COL4A2: variants seen among roughly 807,000 people sequenced by gnomAD.
The protein encoded by COL4A2 is collagen type IV alpha 2 chain.
Under a neutral mutation model 200.2 loss-of-function variants are expected in COL4A2, and 99 were observed. That is an observed-to-expected ratio of 0.49 (90% CI 0.42 to 0.58). The LOEUF (loss-of-function observed/expected upper bound fraction) is 0.58, where lower values mean the gene tolerates loss of function less well. Among genes scored for constraint, COL4A2 ranks in the 20% least tolerant of loss-of-function variants. The pLI, the probability that COL4A2 is intolerant of heterozygous loss-of-function variation, is 0.00. For synonymous variants in COL4A2, 897 were observed against 900.6 expected, an observed-to-expected ratio of 1.00 and a Z score of 0.07; for missense variants, 1,950 against 2,314.1, an observed-to-expected ratio of 0.84 and a Z score of 3.23.
chr13:110,446,477 G>T (rs572506566), intron 17 of COL4A2, among the ~76,000 whole-genome samples: 1 of 152,310 alleles, frequency 6.6e-6, no homozygotes, highest in Admixed American at 6.5e-5. Flanking sequence ...TCGCCAGGCG[G>T]CTCGGCTATC....
intron 4 of COL4A2, among the ~76,000 whole-genome samples, chr13:110,371,752 G>C (rs1212711089): frequency 6.7e-6 from 1 of 148,644 alleles, no homozygotes; most frequent in Non-Finnish European, 1.5e-5. Flanking sequence ...GGCGGGCGGC[G>C]GGCCGTCTGG....
At chr13:110,393,736 G>A (rs1186594607) in intron 4 of COL4A2, among the ~76,000 whole-genome samples, 3 of 151,972 alleles carry the variant, frequency 2.0e-5, no homozygotes, top group Non-Finnish European at 2.9e-5. Flanking sequence ...AAAAATAGAC[G>A]GGCGTGGTGG....
chr13:110,369,371 A>T (rs1457671301), intron 4 of COL4A2, among the ~76,000 whole-genome samples: 2 of 152,170 alleles, frequency 1.3e-5, no homozygotes, highest in African/African-American at 4.8e-5. Flanking sequence ...AGCATTTTGG[A>T]TTTCAGATTT....
At chr13:110,459,184 G>T (rs1012700649) in intron 22 of COL4A2, 12 of 382,106 alleles carry the variant, frequency 3.1e-5, no homozygotes, top group African/African-American at 2.3e-4. Flanking sequence ...TCAATAGGGG[G>T]TCACCACGTG....
rs751775503 is a variant in COL4A2 at position 110,458,968 on chromosome 13, C to T, written c.1596+34C>T. ...CAATTTCATCATGAAGCTGGCAAGA[C>T]ACTCTGAGGCCTCCCCAGGTGTCCC... On this transcript the variant is annotated intron_variant, in intron 22 of 47. Transcript: ENST00000360467. The T allele has an allele frequency of 3.3e-6, 5 of 1,501,896 alleles. No homozygotes were observed. In the African/African-American group the frequency reaches 4.2e-5, roughly 13 times the overall value. 93.0% of individuals were successfully genotyped at this position (1,501,896 alleles called of 1,614,324 possible).
rs201640075 is a variant in COL4A2, at chr13:110,445,836, G to A, written c.965G>A (p.Arg322Gln). 100 of 1,614,060 alleles carry A rather than the reference G, an allele frequency of 6.2e-5. No homozygotes were observed. Among genetic ancestry groups the A allele is most frequent in the Admixed American group, 1.2e-4 (7 of 60,010 alleles). ...CAAATATCTTTCTTGCAGGGAAGCC[G>A]AGGCCTGGATGGCTATCAAGGGCCT... The part of the protein sequence containing the change: ...EKGSPGQKGS[R>Q]GLDGYQGPDG... Residue 322 changes from arginine to glutamine, a missense_variant, in exon 17 of 48, where the codon CGA becomes CAA. This residue lies in a region of COL4A2 where 565 missense variants were observed against 593.5 expected (regional missense o/e 0.95). Transcript: ENST00000360467.
At chr13:110,443,450 C>T (rs1881210971) in intron 16 of COL4A2, among the ~76,000 whole-genome samples, 1 of 152,216 alleles carries the variant, frequency 6.6e-6, no homozygotes, top group Non-Finnish European at 1.5e-5. Context: ...TGCCCAAGGA[C>T]TTTCCTTACT....
At chr13:110,471,178 T>A (rs1882455505) in intron 28 of COL4A2, among the ~76,000 whole-genome samples, 1 of 152,220 alleles carries the variant, frequency 6.6e-6, no homozygotes, top group Non-Finnish European at 1.5e-5. Flanking sequence ...AGTATGAAAG[T>A]TCTCTGGTAA....
Position 110,385,507 on chromosome 13 carries a change from G to C in COL4A2, c.180+27955G>C, listed in dbSNP as rs1381185042. On this transcript the variant is annotated intron_variant, in intron 4 of 47. Coordinates refer to ENST00000360467, the MANE Select transcript of COL4A2 (RefSeq NM_001846.4). ...TGTGGATAGGCCGTGGTTACAGTGT[G>C]TGGATAGGCCGTGGTTACAGTGCGT... Among the ~76,000 whole-genome samples, 41 of 138,992 alleles carry C rather than the reference G, an allele frequency of 2.9e-4. 1 individual carries two copies. Among genetic ancestry groups the C allele is most frequent in the African/African-American group, 1.0e-3 (35 of 34,794 alleles). 91.2% of individuals were successfully genotyped at this position (138,992 alleles called of 152,430 possible). A position where few individuals can be genotyped will look rare whatever the true frequency, so the allele number is the denominator to read the frequency against.
intron 4 of COL4A2, among the ~76,000 whole-genome samples, chr13:110,390,198 T>C (rs1051537809): frequency 7.9e-5 from 12 of 152,202 alleles, no homozygotes; most frequent in African/African-American, 2.9e-4. Flanking sequence ...CTGTCTACTT[T>C]TATTGTCCTG....
In COL4A2 at chr13:110,462,403, C is replaced by T. The variant is rs749031666; in HGVS notation, c.1776+19C>T. 14 of 1,609,908 alleles carry T rather than the reference C, an allele frequency of 8.7e-6. No homozygotes were observed. Among genetic ancestry groups the T allele is most frequent in the South Asian group, 4.4e-5 (4 of 90,980 alleles). ...CCCTCCCGTGAGTAGCCACAAACTG[C>T]GGCAGCTCCGTCCTCTCTTCTTCAT... is the stretch of plus-strand genomic sequence containing the variant. On this transcript the variant is annotated intron_variant, in intron 24 of 47. Transcript: ENST00000360467.
chr13:110,508,245 C>T lies in COL4A2; in HGVS notation c.4881+24C>T, dbSNP rs754066964. On this transcript the variant is annotated intron_variant, in intron 47 of 47. Transcript: ENST00000360467. The surrounding 1 kb of genome is among the most constrained non-coding windows in gnomAD (Gnocchi z 6.1). The stretch of plus-strand genomic sequence containing the variant: ...TGGTATGTGGTATTTGCCCAGTTCC[C>T]CTCCCCAACCACACCCTGCTGGGGA... The T allele has an allele frequency of 5.0e-6, 8 of 1,607,988 alleles. No homozygotes were observed. The Admixed American group carries it at 1.3e-4, about 27-fold the overall frequency.
At chr13:110,415,009 G>A (rs1022897209) in intron 4 of COL4A2, among the ~76,000 whole-genome samples, 1 of 152,184 alleles carries the variant, frequency 6.6e-6, no homozygotes, top group South Asian at 2.1e-4. Flanking sequence ...TGTGCTAAGT[G>A]AAAGGAGCCA....
chr13:110,418,342 A>G (rs1434966280), intron 4 of COL4A2, among the ~76,000 whole-genome samples: 2 of 152,184 alleles, frequency 1.3e-5, no homozygotes, highest in Non-Finnish European at 2.9e-5. Flanking sequence ...TTTTAACTGT[A>G]TCTTTTGACA....
At chr13:110,489,344 T>A (rs1037064019) in intron 34 of COL4A2, 101 bp from the exon 35 acceptor site, 2 of 1,135,438 alleles carry the variant, frequency 1.8e-6, no homozygotes, top group Non-Finnish European at 2.7e-6. Context: ...AAACCTTGAG[T>A]ATTGTCGTTA....
intron 31 of COL4A2, among the ~76,000 whole-genome samples, chr13:110,482,179 T>C (rs1882957169): frequency 6.6e-6 from 1 of 152,262 alleles, no homozygotes; most frequent in African/African-American, 2.4e-5. Context: ...TGCCTTCCTT[T>C]CCAGCGTGCT....
intron 14 of COL4A2, among the ~76,000 whole-genome samples, chr13:110,438,323 G>A (rs780759997): frequency 1.3e-5 from 2 of 152,240 alleles, no homozygotes; most frequent in African/African-American, 2.4e-5. Context: ...AGGCGCCACC[G>A]GGTTCTGCCC....
chr13:110,443,554 C>A (rs1881214394), intron 16 of COL4A2, among the ~76,000 whole-genome samples: 1 of 152,190 alleles, frequency 6.6e-6, no homozygotes, highest in South Asian at 2.1e-4. Context: ...TATGACCTCA[C>A]TGAATTCAAA....
At chr13:110,340,144 G>A (rs763045356) in intron 3 of COL4A2, among the ~76,000 whole-genome samples, 4 of 151,960 alleles carry the variant, frequency 2.6e-5, no homozygotes, top group Non-Finnish European at 4.4e-5. Context: ...TTTTTTTTCA[G>A]ATGTAGTCTT....
Sources: gnomAD v4.1 joint callset for allele counts (sites outside exome capture counted in the v4.1 genomes callset) on GRCh38, gnomAD v4.1.1 for gene constraint, gnomAD v4.1.1 regional missense constraint, Gnocchi (gnomAD v3.1) non-coding constraint, MANE v1.5 for transcripts, NCBI Gene and HGNC (gene_info 2026-07-23, HGNC 2026-07-21) for gene names.